Variants in AGTPBP1 observed in about 807,000 individuals in gnomAD.
AGTPBP1 encodes the protein ATP/GTP binding carboxypeptidase 1.
In AGTPBP1, 70 loss-of-function variants were observed where a neutral mutation model predicts 143.9. The ratio of observed to expected loss-of-function variants is 0.49; its 90% confidence interval spans 0.40 to 0.59. AGTPBP1 has a LOEUF of 0.59. Ranked by LOEUF, AGTPBP1 falls within the 20% of genes least tolerant of loss-of-function variation. The pLI is 0.00. For synonymous variants in AGTPBP1, 463 were observed against 500.2 expected (o/e 0.93, Z 0.99); for missense variants, 1,229 against 1,464.5 (o/e 0.84, Z 2.62).
the AGTPBP1 span, among the ~76,000 whole-genome samples, chr9:85,769,277 G>A: frequency 6.6e-3 from 1,003 of 152,158 alleles, 16 homozygotes; most frequent in African/African-American, 0.023. Flanking sequence ...ACTTATCGAG[G>A]TGGCCTCCAC....
intron 1 of AGTPBP1, among the ~76,000 whole-genome samples, chr9:85,730,138 TCTCTTGGTTTC>T (rs1241063506): frequency 6.6e-6 from 1 of 152,188 alleles, no homozygotes; most frequent in African/African-American, 2.4e-5. Context: ...AAGAGGTAAC[TCTCTTGGTTTC>T]CCAGTTCTGT....
chr9:85,586,442 CAGA>C (rs1587686273), intron 22 of AGTPBP1, among the ~76,000 whole-genome samples: 1 of 152,226 alleles, frequency 6.6e-6, no homozygotes, highest in East Asian at 1.9e-4. Context: ...CTGGTGAGAA[CAGA>C]AGGAGCGTAT....
At chr9:85,616,058 A>C (rs1419346902) in intron 17 of AGTPBP1, among the ~76,000 whole-genome samples, 1 of 152,006 alleles carries the variant, frequency 6.6e-6, no homozygotes, top group African/African-American at 2.4e-5. Flanking sequence ...CTTCTTTTTT[A>C]AAAAATAAAT....
At chr9:85,677,361 GT>G in intron 6 of AGTPBP1, 74 bp downstream of exon 6, 1 of 1,323,544 alleles carries the variant, frequency 7.6e-7, no homozygotes, top group East Asian at 2.5e-5. Context: ...TAAAAACTGA[GT>G]AGTTACAAGG....
chr9:85,746,098 C>T (rs953276328), upstream of AGTPBP1, among the ~76,000 whole-genome samples: 1 of 152,008 alleles, frequency 6.6e-6, no homozygotes, highest in Non-Finnish European at 1.5e-5. Context: ...TAGGGTGGGG[C>T]GACCAGCCTT....
chr9:85,784,326 G>C, the AGTPBP1 span, among the ~76,000 whole-genome samples: 6 of 152,212 alleles, frequency 3.9e-5, no homozygotes, highest in African/African-American at 2.4e-5. Context: ...GCTCCGGAGT[G>C]AGCCTCAGCA....
chr9:85,779,551 G>T, the AGTPBP1 span, among the ~76,000 whole-genome samples: 2 of 152,086 alleles, frequency 1.3e-5, no homozygotes, highest in African/African-American at 2.4e-5. Context: ...TTAAGGGTGG[G>T]TGTGCCTTCC....
Position 85,589,681 on chromosome 9 carries a change from T to G in AGTPBP1, c.2569A>C (p.Met857Leu). 6.2e-7 allele frequency: 1 copy of G among 1,602,242 alleles called. No homozygotes were observed. The highest frequency in any genetic ancestry group is 2.2e-5 in the East Asian group (1 of 44,804). ...HYPYTYSTLQ[M>L]HLQKLESAHN... The stretch of plus-strand genomic sequence containing the variant: ...GCTGATTCCAATTTTTGAAGATGCA[T>G]CTTGATAAAAATTTTAAAACAAAAT... Residue 857 changes from methionine to leucine, a missense_variant and splice_region_variant, in exon 20 of 26, where the codon ATG becomes CTG. By Grantham distance (15) the Met-to-Leu change is conservative. Around this residue, in one of 2 missense-constraint regions of AGTPBP1, gnomAD observed 486 missense variants for 652.3 expected, o/e 0.75. Transcript: ENST00000357081.
At chr9:85,727,811 G>C (rs1418997613) in intron 1 of AGTPBP1, among the ~76,000 whole-genome samples, 1 of 151,980 alleles carries the variant, frequency 6.6e-6, no homozygotes, top group Non-Finnish European at 1.5e-5. Flanking sequence ...GAGGCCAGGA[G>C]TTCTGGACCA....
chr9:85,661,832 T>C (rs190019101), intron 8 of AGTPBP1, among the ~76,000 whole-genome samples: 1 of 152,296 alleles, frequency 6.6e-6, no homozygotes, highest in East Asian at 1.9e-4. Flanking sequence ...TGGTAATACA[T>C]CAACAATTAC....
chr9:85,805,264 A>AGGCCCC, the AGTPBP1 span: 1 of 152,068 alleles, frequency 6.6e-6, no homozygotes, highest in Non-Finnish European at 1.5e-5. Context: ...CGGACGCGCC[A>AGGCCCC]GGCCCCGCCC....
chr9:85,651,655 T>C (rs1405981361), intron 11 of AGTPBP1, among the ~76,000 whole-genome samples: 1 of 152,188 alleles, frequency 6.6e-6, no homozygotes, highest in Non-Finnish European at 1.5e-5. Flanking sequence ...AGGGAATACC[T>C]GGATAATATA....
At chr9:85,775,567 TATAGG>T in the AGTPBP1 span, among the ~76,000 whole-genome samples, 1 of 146,500 alleles carries the variant, frequency 6.8e-6, no homozygotes, top group East Asian at 1.9e-4. Context: ...ATATAAAATA[TATAGG>T]ATTTATATTA....
intron 23 of AGTPBP1, among the ~76,000 whole-genome samples, chr9:85,583,447 G>A (rs1828405287): frequency 6.6e-6 from 1 of 152,058 alleles, no homozygotes; most frequent in African/African-American, 2.4e-5. Flanking sequence ...GCAATTACCT[G>A]ACGTAACTAA....
At chr9:85,694,483 C>T (rs548756917) in intron 2 of AGTPBP1, among the ~76,000 whole-genome samples, 2 of 152,330 alleles carry the variant, frequency 1.3e-5, no homozygotes, top group East Asian at 3.9e-4. Context: ...CTCCCAAAAG[C>T]ATCCTGTGGT....
intron 1 of AGTPBP1, among the ~76,000 whole-genome samples, chr9:85,740,835 G>A (rs754189761): frequency 6.6e-6 from 1 of 152,192 alleles, no homozygotes; most frequent in Non-Finnish European, 1.5e-5. Context: ...TACTGCCAAA[G>A]AAAATTTCCG....
intron 17 of AGTPBP1, among the ~76,000 whole-genome samples, chr9:85,611,691 A>G (rs527953333): frequency 1.3e-5 from 2 of 152,264 alleles, no homozygotes; most frequent in African/African-American, 4.8e-5. Context: ...GAAACAATAT[A>G]TTTTTGGGGG....
At chr9:85,777,365 G>A in the AGTPBP1 span, among the ~76,000 whole-genome samples, 1,005 of 152,254 alleles carry the variant, frequency 6.6e-3, 16 homozygotes, top group African/African-American at 0.023. Context: ...GTAGCTCGCC[G>A]ATCACCCTGA....
At chr9:85,730,342 T>C (rs1838796643) in intron 1 of AGTPBP1, among the ~76,000 whole-genome samples, 1 of 152,210 alleles carries the variant, frequency 6.6e-6, no homozygotes, top group African/African-American at 2.4e-5. Context: ...TTAAATATCT[T>C]TTTTATCTGC....
Sources: gnomAD v4.1 joint callset for allele counts (sites outside exome capture counted in the v4.1 genomes callset) on GRCh38, gnomAD v4.1.1 for gene constraint, gnomAD v4.1.1 regional missense constraint, MANE v1.5 for transcripts, NCBI Gene and HGNC (gene_info 2026-07-23, HGNC 2026-07-21) for gene names.